The following PKD1L3 variants were observed in gnomAD, a reference collection of about 807,000 sequenced individuals.
PKD1L3 encodes the protein polycystin-1-like protein 3.
A neutral mutation model predicts 184.1 loss-of-function variants in PKD1L3; 239 were observed. The observed-to-expected ratio is 1.30, with a 90% CI of 1.17 to 1.45. PKD1L3 has a LOEUF of 1.45. Among genes scored for constraint, PKD1L3 ranks in the 40% most tolerant of loss-of-function variants. The probability of loss-of-function intolerance (pLI) is 0.00; values close to 1 mark genes in which losing one functional copy is unlikely to be tolerated. For missense variants in PKD1L3, 2,660 were observed against 2,067.2 expected (o/e 1.29, Z -5.56); for synonymous variants, 996 against 778.8 (o/e 1.28, Z -4.64).
At chr16:71,985,305 G>C (rs1194804013) in intron 5 of PKD1L3, among the ~76,000 whole-genome samples, 5 of 152,134 alleles carry the variant, frequency 3.3e-5, no homozygotes, top group Admixed American at 3.3e-4. Context: ...AGAGTGAACA[G>C]GATTGTTTTA....
At chr16:71,961,347 T>TCCTGGCCA (rs1411028776) in intron 16 of PKD1L3, among the ~76,000 whole-genome samples, 10 of 152,122 alleles carry the variant, frequency 6.6e-5, no homozygotes, top group Non-Finnish European at 1.5e-5. Context: ...GGTCTCGAAC[T>TCCTGGCCA]CCTGACTTCA....
At chr16:71,995,560 TA>T (rs1272090143) in intron 2 of PKD1L3, among the ~76,000 whole-genome samples, 1 of 152,158 alleles carries the variant, frequency 6.6e-6, no homozygotes, top group Non-Finnish European at 1.5e-5. Flanking sequence ...TATTTTCCAC[TA>T]AAAAAATACA....
Position 71,933,423 on chromosome 16 carries a change from C to G in PKD1L3, c.4923G>C (p.Glu1641Asp), listed in dbSNP as rs1357831294. 6.5e-7 allele frequency: 1 copy of G among 1,539,872 alleles called. No homozygotes were observed. The highest frequency in any genetic ancestry group is 2.0e-5 in the Admixed American group (1 of 50,976). ...GGAAACAAATTATTATTTTTACCTC[C>G]TCTTGGTGAGAAATTCCCATCAGGA... ...VGLLMGISHQ[E>D]EVFALDPVLG... Residue 1641 changes from glutamate (E) to aspartate (D), a missense_variant, in exon 28 of 30, where the codon GAG becomes GAC. Glu to Asp is a conservative substitution (Grantham distance 45). Transcript: ENST00000620267.
chr16:71,949,338 T>C (rs1283334502), intron 21 of PKD1L3, among the ~76,000 whole-genome samples: 1 of 151,392 alleles, frequency 6.6e-6, no homozygotes, highest in Non-Finnish European at 1.5e-5. Flanking sequence ...CAGTTAAATG[T>C]CAGTTTGCTT....
intron 2 of PKD1L3, 80 bp from the exon 3 acceptor site, chr16:71,993,412 G>A (rs568848867): frequency 3.4e-5 from 29 of 860,950 alleles, no homozygotes; most frequent in Middle Eastern, 2.4e-4. Context: ...TTACATGCAC[G>A]TATGTGATAA....
intron 22 of PKD1L3, among the ~76,000 whole-genome samples, chr16:71,944,671 G>A (rs2038492060): frequency 6.6e-6 from 1 of 151,882 alleles, no homozygotes; most frequent in Non-Finnish European, 1.5e-5. Flanking sequence ...GACCAGCCTG[G>A]GCAACATAGC....
intron 16 of PKD1L3, among the ~76,000 whole-genome samples, chr16:71,960,025 G>A (rs1485734564): frequency 6.6e-6 from 1 of 152,118 alleles, no homozygotes; most frequent in Non-Finnish European, 1.5e-5. Flanking sequence ...GGAAGCTGAG[G>A]TGGGAGGATC....
At chr16:71,992,385 C>A (rs2040621810) in intron 3 of PKD1L3, among the ~76,000 whole-genome samples, 1 of 152,190 alleles carries the variant, frequency 6.6e-6, no homozygotes, top group African/African-American at 2.4e-5. Context: ...TACTATGACA[C>A]TTAAAGCCAC....
chr16:71,999,620 T>C, intron 1 of PKD1L3, 64 bp downstream of exon 1: 2 of 1,342,060 alleles, frequency 1.5e-6, no homozygotes, highest in Admixed American at 6.8e-5. Context: ...TTTCTTTTTT[T>C]TTTCTGTCCC....
intron 4 of PKD1L3, 95 bp downstream of exon 4, chr16:71,990,185 C>T: frequency 9.3e-7 from 1 of 1,080,704 alleles, no homozygotes; most frequent in Non-Finnish European, 1.3e-6. Flanking sequence ...AAACTATATT[C>T]AGAACACTCT....
At position 71,986,371 on chromosome 16, in the gene PKD1L3, A is replaced by G; in HGVS notation, c.684T>C (p.Pro228=). The change falls in exon 5 of 30, where the codon CCT becomes CCC. Residue 228 remains proline (P), a synonymous_variant. Coordinates refer to ENST00000620267, the MANE Select transcript of PKD1L3 (RefSeq NM_181536.2). ...TGGTGAGCTGTGTTATCACAGGGAG[A>G]GGCTGGCTGCTGGGTTCAGATGCGG... The part of the protein sequence containing the change: ...TSAASEPSSQ[P]LPVITQLTMP... The G allele has an allele frequency of 6.4e-7, 1 of 1,551,270 alleles. No individual in the cohort carries two copies. The highest frequency in any genetic ancestry group is 1.2e-5 in the South Asian group (1 of 84,062).
At chr16:71,935,805 T>A (rs2038154532) in intron 25 of PKD1L3, among the ~76,000 whole-genome samples, 1 of 152,238 alleles carries the variant, frequency 6.6e-6, no homozygotes, top group Admixed American at 6.5e-5. Context: ...AGTTTCTTTC[T>A]TTGAGACAGG....
At chr16:71,954,741 C>T (rs2038981082) in intron 16 of PKD1L3, among the ~76,000 whole-genome samples, 1 of 152,112 alleles carries the variant, frequency 6.6e-6, no homozygotes, top group Non-Finnish European at 1.5e-5. Flanking sequence ...AAAGACTTTG[C>T]TGGGCTTAAA....
At chr16:71,988,957 A>G (rs113995212) in intron 4 of PKD1L3, among the ~76,000 whole-genome samples, 1,591 of 152,322 alleles carry the variant, frequency 0.01, 24 homozygotes, top group African/African-American at 0.035. Flanking sequence ...ACAATGTTGC[A>G]TATTTCACAA....
chr16:71,937,769 A>G (rs2143174048), intron 24 of PKD1L3, among the ~76,000 whole-genome samples: 1 of 152,340 alleles, frequency 6.6e-6, no homozygotes, highest in South Asian at 2.1e-4. Context: ...CACGAGTACT[A>G]ACGGTATCCC....
chr16:71,945,689 A>C (rs1478779613), intron 22 of PKD1L3, among the ~76,000 whole-genome samples: 3 of 151,930 alleles, frequency 2.0e-5, no homozygotes, highest in Admixed American at 6.6e-5. Flanking sequence ...TAAATAAATA[A>C]ATAAAAATAA....
intron 16 of PKD1L3, among the ~76,000 whole-genome samples, chr16:71,956,475 G>C (rs1449739540): frequency 2.6e-5 from 4 of 152,044 alleles, no homozygotes; most frequent in Non-Finnish European, 5.9e-5. Context: ...TTACAGGTGT[G>C]AGCCACCGCA....
rs1452202041 is a variant in PKD1L3 at position 71,973,208 on chromosome 16, T to C, written c.1953+116A>G. 9.3e-6 allele frequency: 12 copies of C among 1,285,166 alleles called. No homozygotes were observed. The East Asian group carries it at 2.3e-4, about 24-fold the overall frequency. The allele number at this position is 1,285,166 out of a possible 1,614,324, so 79.6% of individuals were successfully genotyped here. A position where few individuals can be genotyped will look rare whatever the true frequency, so the allele number is the denominator to read the frequency against. ...CCCTCCTTTTGCCCAGGCAGAGTTA[T>C]TTCAAACCACCTGATTATTTTTCTT... On this transcript the variant is annotated intron_variant, in intron 12 of 29. Coordinates refer to ENST00000620267, the MANE Select transcript of PKD1L3 (RefSeq NM_181536.2).
At chr16:71,946,087 T>C (rs934421948) in intron 22 of PKD1L3, among the ~76,000 whole-genome samples, 1 of 152,212 alleles carries the variant, frequency 6.6e-6, no homozygotes, top group Admixed American at 6.5e-5. Context: ...GCCTCCCACG[T>C]AGCTGGGATT....
Sources: allele counts gnomAD v4.1 joint callset (sites outside exome capture counted in the v4.1 genomes callset), GRCh38; gene constraint gnomAD v4.1.1; transcripts MANE v1.5; gene names NCBI Gene and HGNC (gene_info 2026-07-23, HGNC 2026-07-21).